Variants in CNKSR3 observed in about 807,000 individuals in gnomAD.
CNKSR3 encodes the protein CNKSR family member 3.
In CNKSR3, 36 loss-of-function variants were observed where a neutral mutation model predicts 67.7. The ratio of observed to expected loss-of-function variants is 0.53; its 90% confidence interval spans 0.41 to 0.70. The LOEUF is 0.70. Ranked by LOEUF, CNKSR3 falls within the 30% of genes least tolerant of loss-of-function variation. The pLI is 0.00. For missense variants in CNKSR3, 630 were observed against 695.2 expected (o/e 0.91, Z 1.05); for synonymous variants, 281 against 271.4 (o/e 1.04, Z -0.35).
chr6:154,406,958 GAA>G (rs5881085), intron 12 of CNKSR3, among the ~76,000 whole-genome samples: 1 of 142,200 alleles, frequency 7.0e-6, no homozygotes, highest in African/African-American at 2.6e-5. Context: ...TCCCCTCCAG[GAA>G]AAAAAAAAAA....
At chr6:154,429,159 A>G (rs1296915725) in intron 6 of CNKSR3, among the ~76,000 whole-genome samples, 1 of 152,168 alleles carries the variant, frequency 6.6e-6, no homozygotes, top group Non-Finnish European at 1.5e-5. Context: ...TTTAAATTAA[A>G]CTGTTACAAG....
chr6:154,458,704 A>T (rs1209999324), intron 1 of CNKSR3, among the ~76,000 whole-genome samples: 4 of 152,202 alleles, frequency 2.6e-5, no homozygotes, highest in Admixed American at 6.5e-5. Flanking sequence ...TGCCCCAGTA[A>T]CACTGGCTAA....
chr6:154,469,590 C>G lies in CNKSR3; in HGVS notation c.53-19332G>C, dbSNP rs369510374. 3.3e-5 allele frequency among the ~76,000 whole-genome samples: 5 copies of G among 152,272 alleles called. No homozygotes were observed. The East Asian group carries it at 5.8e-4, about 18-fold the overall frequency. ...CGCTAGACAACACCTCCACAAAAAGCCTTCTATCACCAGTCCTATGTTCTT... is the reference window on the plus strand; with the variant it reads ...CGCTAGACAACACCTCCACAAAAAGGCTTCTATCACCAGTCCTATGTTCTT... On this transcript the variant is annotated intron_variant, in intron 1 of 12. Transcript: ENST00000607772.
At chr6:154,460,923 T>C (rs1012796150) in intron 1 of CNKSR3, among the ~76,000 whole-genome samples, 3 of 152,188 alleles carry the variant, frequency 2.0e-5, no homozygotes, top group African/African-American at 7.2e-5. Context: ...TTCTACCGTA[T>C]GGAGGTGAGC....
At chr6:154,422,832 A>G in intron 8 of CNKSR3, 83 bp downstream of exon 8, 1 of 1,307,740 alleles carries the variant, frequency 7.6e-7, no homozygotes, top group Non-Finnish European at 1.1e-6. Flanking sequence ...ATAAGCGGCA[A>G]ATTTTAAAAA....
At chr6:154,418,466 C>G (rs9479841) in intron 9 of CNKSR3, among the ~76,000 whole-genome samples, 63,103 of 151,928 alleles carry the variant, frequency 0.42, 13,964 homozygotes, top group African/African-American at 0.54. Context: ...TCTCCTCTAC[C>G]ATACATGCTC....
intron 1 of CNKSR3, among the ~76,000 whole-genome samples, chr6:154,488,214 C>G (rs906845654): frequency 1.3e-5 from 2 of 152,092 alleles, no homozygotes; most frequent in African/African-American, 4.8e-5. Context: ...AACCTTAACC[C>G]ACAAAATTGG....
chr6:154,497,229 CA>C (rs200564208), intron 1 of CNKSR3, among the ~76,000 whole-genome samples: 11,870 of 143,968 alleles, frequency 0.082, 520 homozygotes, highest in African/African-American at 0.14. Flanking sequence ...TACTAAAGTT[CA>C]AAAAAAAAAA....
At chr6:154,485,684 C>A (rs1454114761) in intron 1 of CNKSR3, among the ~76,000 whole-genome samples, 1 of 152,228 alleles carries the variant, frequency 6.6e-6, no homozygotes, top group Non-Finnish European at 1.5e-5. Flanking sequence ...ATCATTCTTT[C>A]TCCTCGCTGC....
chr6:154,499,689 C>T lies in CNKSR3; in HGVS notation c.52+10374G>A, dbSNP rs930021611. On this transcript the variant is annotated intron_variant, in intron 1 of 12. Coordinates refer to ENST00000607772, the MANE Select transcript of CNKSR3 (RefSeq NM_173515.4). ...CTCACTATGTTGCCCAAGTTGATCT[C>T]GAACTCCTGGGCTCAAGCCATCCTC... is the stretch of plus-strand genomic sequence containing the variant. 2.0e-5 allele frequency among the ~76,000 whole-genome samples: 3 copies of T among 152,226 alleles called. No individual in the cohort carries two copies. In the South Asian group the frequency reaches 6.2e-4, roughly 32 times the overall value.
rs1195177303 is a variant in CNKSR3, at chr6:154,400,885, A to G, written c.*5469T>C. The stretch of plus-strand genomic sequence containing the variant: ...TCCAAATAATTAAAAGGTAAATTTT[A>G]CAGTAAAGAGACTAATTTTTTTCTA... On this transcript the variant is annotated 3_prime_UTR_variant, in exon 13 of 13. Transcript: ENST00000607772. 6.6e-6 allele frequency: 1 copy of G among 152,256 alleles called. No individual in the cohort carries two copies. Among genetic ancestry groups the G allele is most frequent in the African/African-American group, 2.4e-5 (1 of 41,480 alleles). The allele number at this position is 152,256 out of a possible 1,614,324, so 9.4% of individuals were successfully genotyped here. A position where few individuals can be genotyped will look rare whatever the true frequency, so the allele number is the denominator to read the frequency against.
chr6:154,410,866 A>G (rs774070476), intron 11 of CNKSR3, 68 bp downstream of exon 11: 22 of 1,273,012 alleles, frequency 1.7e-5, no homozygotes, highest in Non-Finnish European at 2.2e-5. Flanking sequence ...AACAGTTCCA[A>G]CTAAGGCAGG....
chr6:154,500,415 G>A (rs1022577874), intron 1 of CNKSR3, among the ~76,000 whole-genome samples: 4 of 152,000 alleles, frequency 2.6e-5, no homozygotes, highest in African/African-American at 9.7e-5. Context: ...CATAATCGCC[G>A]CCTTTTCTGA....
chr6:154,440,940 G>T (rs768404805), intron 4 of CNKSR3, among the ~76,000 whole-genome samples: 2 of 151,462 alleles, frequency 1.3e-5, no homozygotes, highest in Non-Finnish European at 2.9e-5. Flanking sequence ...ATATAGTAAA[G>T]TACTCAGAAC....
At chr6:154,483,499 C>T (rs1161467563) in intron 1 of CNKSR3, among the ~76,000 whole-genome samples, 2 of 152,064 alleles carry the variant, frequency 1.3e-5, no homozygotes, top group Non-Finnish European at 2.9e-5. Context: ...CCTACCCTCA[C>T]CCCTCATCTG....
rs1784661754 is a variant in CNKSR3 at position 154,396,429 on chromosome 6, T to A, written c.*9925A>T. 1 of 152,216 alleles carries A rather than the reference T, an allele frequency of 6.6e-6. No individual in the cohort carries two copies. Among genetic ancestry groups the A allele is most frequent in the Non-Finnish European group, 1.5e-5 (1 of 68,042 alleles). The allele number at this position is 152,216 out of a possible 1,614,324, so 9.4% of individuals were successfully genotyped here. A position where few individuals can be genotyped will look rare whatever the true frequency, so the allele number is the denominator to read the frequency against. On this transcript the variant is annotated 3_prime_UTR_variant, in exon 13 of 13. Coordinates refer to ENST00000607772, the MANE Select transcript of CNKSR3 (RefSeq NM_173515.4). ...AATATATTAATAAAATTAAAACAATTTTCACAGAAAATTTTAATAATTTTT... is the reference window on the plus strand; with the variant it reads ...AATATATTAATAAAATTAAAACAATATTCACAGAAAATTTTAATAATTTTT...
intron 2 of CNKSR3, among the ~76,000 whole-genome samples, chr6:154,443,465 C>T (rs774216464): frequency 4.6e-5 from 7 of 151,784 alleles, no homozygotes; most frequent in Non-Finnish European, 8.8e-5. Flanking sequence ...ATCGCCCCTT[C>T]GATTCACTCT....
chr6:154,419,032 C>CTTT (rs548152585), intron 9 of CNKSR3, among the ~76,000 whole-genome samples: 4,176 of 122,072 alleles, frequency 0.034, 181 homozygotes, highest in Non-Finnish European at 0.049. Flanking sequence ...TACTCTCTTG[C>CTTT]TTTTTTTTTT....
intron 1 of CNKSR3, among the ~76,000 whole-genome samples, chr6:154,486,281 TTC>T (rs892103231): frequency 3.3e-5 from 5 of 150,540 alleles, no homozygotes; most frequent in South Asian, 2.1e-4. Flanking sequence ...GTCTTCTCTT[TTC>T]TCTCTCTCTC....
Sources: gnomAD v4.1 joint callset for allele counts (sites outside exome capture counted in the v4.1 genomes callset) on GRCh38, gnomAD v4.1.1 for gene constraint, MANE v1.5 for transcripts, NCBI Gene and HGNC (gene_info 2026-07-23, HGNC 2026-07-21) for gene names.